The following STX8 variants were observed in gnomAD, a reference collection of about 807,000 sequenced individuals.
The protein encoded by STX8 is syntaxin-8.
Under a neutral mutation model 37.5 loss-of-function variants are expected in STX8, and 23 were observed. That is an observed-to-expected ratio of 0.61 (90% CI 0.44 to 0.87). The LOEUF (loss-of-function observed/expected upper bound fraction) is 0.87, where lower values mean the gene tolerates loss of function less well. STX8 is among the 40% of genes least tolerant of loss of function. The pLI is 0.00. For synonymous variants in STX8, 115 were observed against 99.1 expected (o/e 1.16, Z -0.95); for missense variants, 313 against 284.7 (o/e 1.10, Z -0.71).
chr17:9,416,529 C>T (rs960676596), intron 6 of STX8, among the ~76,000 whole-genome samples: 11 of 152,140 alleles, frequency 7.2e-5, no homozygotes, highest in African/African-American at 1.4e-4. Context: ...CCACCACGCC[C>T]GGCTAATTTT....
intron 7 of STX8, among the ~76,000 whole-genome samples, chr17:9,348,245 C>T (rs1316722575): frequency 6.6e-6 from 1 of 151,804 alleles, no homozygotes; most frequent in African/African-American, 2.4e-5. Context: ...CGTTGAAACC[C>T]CATCTCTACT....
At chr17:9,441,520 C>T (rs1204806471) in intron 6 of STX8, among the ~76,000 whole-genome samples, 5 of 151,600 alleles carry the variant, frequency 3.3e-5, no homozygotes, top group Non-Finnish European at 5.9e-5. Flanking sequence ...AGTCAAATAT[C>T]CTTATATCCT....
At chr17:9,348,845 G>C (rs969341768) in intron 7 of STX8, among the ~76,000 whole-genome samples, 6 of 152,174 alleles carry the variant, frequency 3.9e-5, no homozygotes, top group Non-Finnish European at 8.8e-5. Context: ...CTACCTTCCT[G>C]ATGGCCAAGG....
chr17:9,491,450 A>G (rs1225544789), intron 6 of STX8, among the ~76,000 whole-genome samples: 1 of 152,152 alleles, frequency 6.6e-6, no homozygotes, highest in Non-Finnish European at 1.5e-5. Flanking sequence ...GAAGCCTGGT[A>G]CATAGGATCG....
rs1255606293 is a variant in STX8 at position 9,430,074 on chromosome 17, T to TAGA, written c.542-51422_542-51421insTCT. Among the ~76,000 whole-genome samples, 45 of 69,484 alleles carry TAGA rather than the reference T, an allele frequency of 6.5e-4. 1 individual carries two copies. The highest frequency in any genetic ancestry group is 2.3e-3 in the African/African-American group (40 of 17,682). The allele number at this position is 69,484 out of a possible 152,430, so 45.6% of individuals were successfully genotyped here. A position where few individuals can be genotyped will look rare whatever the true frequency, so the allele number is the denominator to read the frequency against. ...TATTCTATATAATATATATATTCTA[T>TAGA]ATAATATATATATTCTATATAATAT... On this transcript the variant is annotated intron_variant, in intron 6 of 7. Coordinates refer to ENST00000306357, the MANE Select transcript of STX8 (RefSeq NM_004853.3).
chr17:9,555,025 T>C (rs1248832215), intron 3 of STX8: 1 of 151,422 alleles, frequency 6.6e-6, no homozygotes, highest in African/African-American at 2.4e-5. Flanking sequence ...ACAGTAGAAA[T>C]AGATCAATTA....
chr17:9,352,136 A>G (rs571136141), intron 7 of STX8, among the ~76,000 whole-genome samples: 11 of 150,600 alleles, frequency 7.3e-5, no homozygotes, highest in South Asian at 2.1e-4. Flanking sequence ...TGGGTGACAG[A>G]GCAAGATCCT....
At chr17:9,555,056 T>C (rs1375792210) in intron 3 of STX8, 1 of 152,182 alleles carries the variant, frequency 6.6e-6, no homozygotes, top group Non-Finnish European at 1.5e-5. Flanking sequence ...TAAATAGAAT[T>C]TTAAAGAAAG....
At chr17:9,359,797 C>T (rs935441682) in intron 7 of STX8, among the ~76,000 whole-genome samples, 10 of 151,988 alleles carry the variant, frequency 6.6e-5, no homozygotes, top group Non-Finnish European at 1.2e-4. Flanking sequence ...TGTGAGCCAC[C>T]GTGCCTGGAC....
At chr17:9,368,922 C>CTTTTTT (rs71830909) in intron 7 of STX8, among the ~76,000 whole-genome samples, 6 of 145,328 alleles carry the variant, frequency 4.1e-5, no homozygotes, top group Admixed American at 6.9e-5. Context: ...ACCTTTTACC[C>CTTTTTT]TTTTTTTTTT....
chr17:9,544,759 A>G lies in STX8; in HGVS notation c.323+413T>C, dbSNP rs572378809. ...TGTAATCCCAGCACTTTGGGAGGCC[A>G]AGGCGGGCGGATCACGAGGTCAGGA... On this transcript the variant is annotated intron_variant, in intron 4 of 7. Coordinates refer to ENST00000306357, the MANE Select transcript of STX8 (RefSeq NM_004853.3). Among the ~76,000 whole-genome samples the G allele has an allele frequency of 1.5e-4, 23 of 152,256 alleles. No individual in the cohort carries two copies. In the South Asian group the frequency reaches 3.5e-3, roughly 23 times the overall value.
At chr17:9,287,810 G>A (rs186178501) in intron 7 of STX8, among the ~76,000 whole-genome samples, 2 of 151,788 alleles carry the variant, frequency 1.3e-5, no homozygotes, top group East Asian at 1.9e-4. Context: ...GGAGTGAAGT[G>A]GCACATCTCG....
rs768443159 is a variant in STX8, at chr17:9,557,468, C to T, written c.178G>A (p.Asp60Asn). The T allele has an allele frequency of 1.2e-6, 2 of 1,613,880 alleles. No individual in the cohort carries two copies. The change falls in exon 3 of 8, where the codon GAC becomes AAC. Residue 60 changes from aspartate (D) to asparagine (N), a missense_variant. Asp to Asn is a conservative substitution (Grantham distance 23). Transcript: ENST00000306357. ...NLKEKIALLK[D>N]LLLRAVSTHQ... ...GTTGACACAGCTCTTAGCAATAAGTCCTTCAAAAGGGCGATCTTTTCCTTC... is the reference window on the plus strand; with the variant it reads ...GTTGACACAGCTCTTAGCAATAAGTTCTTCAAAAGGGCGATCTTTTCCTTC...
chr17:9,402,048 T>TAC (rs1912639923), intron 6 of STX8, among the ~76,000 whole-genome samples: 1 of 152,292 alleles, frequency 6.6e-6, no homozygotes, highest in South Asian at 2.1e-4. Flanking sequence ...TTGGCCCATG[T>TAC]ATCTTTGATT....
In STX8 at chr17:9,422,465, C is replaced by T. The variant is rs145743558; in HGVS notation, c.542-43812G>A. On this transcript the variant is annotated intron_variant, in intron 6 of 7. Transcript: ENST00000306357. ...AGAACGGACTAATACACCCCTCTCC[C>T]TAGTTCCTGGCATCACCAATCTGAA... Among the ~76,000 whole-genome samples, 400 of 152,352 alleles carry T rather than the reference C, an allele frequency of 2.6e-3. 3 individuals are homozygous for T. Among genetic ancestry groups the T allele is most frequent in the African/African-American group, 9.3e-3 (388 of 41,592 alleles).
chr17:9,357,497 C>A (rs1186272488), intron 7 of STX8, among the ~76,000 whole-genome samples: 3 of 151,776 alleles, frequency 2.0e-5, no homozygotes, highest in African/African-American at 7.3e-5. Flanking sequence ...TTGAGAACAG[C>A]CTAGCCTGTG....
At chr17:9,331,380 G>A (rs1276635693) in intron 7 of STX8, among the ~76,000 whole-genome samples, 1 of 151,698 alleles carries the variant, frequency 6.6e-6, no homozygotes, top group Non-Finnish European at 1.5e-5. Flanking sequence ...TGTTTTCTGG[G>A]CTTTGCTGTG....
intron 5 of STX8, among the ~76,000 whole-genome samples, chr17:9,503,867 C>A (rs967773839): frequency 6.6e-6 from 1 of 152,184 alleles, no homozygotes; most frequent in Non-Finnish European, 1.5e-5. Flanking sequence ...TGGGTTCAAG[C>A]GATTCTCCTG....
intron 4 of STX8, among the ~76,000 whole-genome samples, chr17:9,526,909 A>C (rs1294028345): frequency 3.9e-5 from 6 of 152,080 alleles, no homozygotes; most frequent in Admixed American, 6.6e-5. Context: ...GGCCAAGCAT[A>C]GTTCACACAT....
Sources: gnomAD v4.1 joint callset for allele counts (sites outside exome capture counted in the v4.1 genomes callset) on GRCh38, gnomAD v4.1.1 for gene constraint, MANE v1.5 for transcripts, NCBI Gene and HGNC (gene_info 2026-07-23, HGNC 2026-07-21) for gene names.